Variants in ADGRL2 observed in about 807,000 individuals in gnomAD.
The protein encoded by ADGRL2 is calcium-independent alpha-latrotoxin receptor 2.
Under a neutral mutation model 157.4 loss-of-function variants are expected in ADGRL2, and 44 were observed. The ratio of observed to expected loss-of-function variants is 0.28; its 90% CI spans 0.22 to 0.36. The LOEUF is 0.36. Among genes scored for constraint, ADGRL2 ranks in the 10% least tolerant of loss-of-function variants. ADGRL2 has a pLI of 1.00. For missense variants in ADGRL2, 1,510 were observed against 1,768.9 expected (o/e 0.85, Z 2.63); for synonymous variants, 585 against 624.7 (o/e 0.94, Z 0.95).
At chr1:81,649,218 A>G (rs765394886) in intron 3 of ADGRL2, among the ~76,000 whole-genome samples, 2 of 152,072 alleles carry the variant, frequency 1.3e-5, no homozygotes, top group Non-Finnish European at 2.9e-5. Flanking sequence ...TCCGCCTTTC[A>G]CCTAATCCCA....
At chr1:81,340,970 G>A (rs925487812) in intron 1 of ADGRL2, among the ~76,000 whole-genome samples, 5 of 151,178 alleles carry the variant, frequency 3.3e-5, no homozygotes, top group African/African-American at 2.4e-5. Context: ...TTTCCACATC[G>A]TCAATGGGCA....
At chr1:81,897,448 T>C (rs2094412028) in intron 2 of ADGRL2, among the ~76,000 whole-genome samples, 1 of 152,154 alleles carries the variant, frequency 6.6e-6, no homozygotes, top group African/African-American at 2.4e-5. Context: ...AAACATAATA[T>C]TTTATAACTG....
intron 10 of ADGRL2, 73 bp downstream of exon 10, chr1:81,953,098 T>A: frequency 1.6e-6 from 2 of 1,248,684 alleles, no homozygotes; most frequent in Non-Finnish European, 2.3e-6. Flanking sequence ...TCTTGCTGCA[T>A]GATCCAATGT....
intron 3 of ADGRL2, among the ~76,000 whole-genome samples, chr1:81,912,786 C>A (rs1230202482): frequency 6.6e-6 from 1 of 151,930 alleles, no homozygotes; most frequent in Non-Finnish European, 1.5e-5. Flanking sequence ...ATTTTGACAG[C>A]TCAAATAAAA....
Position 81,704,395 on chromosome 1 carries a change from G to A in ADGRL2, c.-143+4587G>A, listed in dbSNP as rs552222721. Among the ~76,000 whole-genome samples the A allele has an allele frequency of 2.6e-5, 4 of 152,330 alleles. No individual in the cohort carries two copies. The South Asian group carries it at 6.2e-4, about 24-fold the overall frequency. ...CTAAGTGGCTGCCAGTGGACACAGG[G>A]CATCCCCTGGGAGCGGCGGGCCTGG... is the stretch of plus-strand genomic sequence containing the variant. On this transcript the variant is annotated intron_variant, in intron 1 of 20. Transcript: ENST00000359929.
chr1:81,810,524 A>G (rs1322590058), intron 1 of ADGRL2, among the ~76,000 whole-genome samples: 1 of 151,742 alleles, frequency 6.6e-6, no homozygotes, highest in Admixed American at 6.6e-5. Context: ...CTTATGTACC[A>G]TTTTCTCCAC....
At chr1:81,914,289 C>G (rs2094804912) in intron 3 of ADGRL2, among the ~76,000 whole-genome samples, 1 of 152,032 alleles carries the variant, frequency 6.6e-6, no homozygotes, top group African/African-American at 2.4e-5. Context: ...CTATAGGTTA[C>G]AATAAACTGT....
At chr1:81,919,244 A>T (rs551666598) in intron 3 of ADGRL2, among the ~76,000 whole-genome samples, 9 of 152,276 alleles carry the variant, frequency 5.9e-5, no homozygotes, top group Non-Finnish European at 1.2e-4. Flanking sequence ...TTATTTATTT[A>T]GTAAAAGCTT....
intron 1 of ADGRL2, among the ~76,000 whole-genome samples, chr1:81,434,332 C>T (rs1388072531): frequency 6.6e-6 from 1 of 152,140 alleles, no homozygotes; most frequent in East Asian, 1.9e-4. Context: ...TTATTATTTT[C>T]TGGGTACTTA....
chr1:81,608,349 G>A (rs949747163), intron 3 of ADGRL2, among the ~76,000 whole-genome samples: 1 of 152,112 alleles, frequency 6.6e-6, no homozygotes, highest in Non-Finnish European at 1.5e-5. Flanking sequence ...TGAGACTCTC[G>A]CTCCAGAACC....
chr1:81,856,824 G>T (rs944808562), intron 2 of ADGRL2, among the ~76,000 whole-genome samples: 1 of 151,726 alleles, frequency 6.6e-6, no homozygotes, highest in Non-Finnish European at 1.5e-5. Context: ...AAAAATTAGG[G>T]CCTTAATATT....
At chr1:81,985,222 A>T (rs751612584) in intron 20 of ADGRL2, 37 bp from the exon 21 acceptor site, 2 of 1,257,262 alleles carry the variant, frequency 1.6e-6, no homozygotes, top group African/African-American at 1.5e-5. Context: ...TGGGGAAACT[A>T]ACAAAACATA....
At chr1:81,944,609 A>G (rs984591457) in intron 6 of ADGRL2, among the ~76,000 whole-genome samples, 7 of 152,080 alleles carry the variant, frequency 4.6e-5, no homozygotes, top group Non-Finnish European at 1.0e-4. Flanking sequence ...TGCACTGTTT[A>G]TAAGTCTTCT....
intron 4 of ADGRL2, among the ~76,000 whole-genome samples, chr1:81,938,432 G>A (rs2095340781): frequency 6.6e-6 from 1 of 151,690 alleles, no homozygotes; most frequent in Non-Finnish European, 1.5e-5. Flanking sequence ...TATTTCTTGT[G>A]CTGTTTAAGA....
At chr1:81,960,889 A>T (rs1437020833) in intron 11 of ADGRL2, among the ~76,000 whole-genome samples, 1 of 151,790 alleles carries the variant, frequency 6.6e-6, no homozygotes, top group Non-Finnish European at 1.5e-5. Flanking sequence ...AAGGTTTACT[A>T]CTCCTTCCTG....
intron 1 of ADGRL2, among the ~76,000 whole-genome samples, chr1:81,376,494 C>T (rs796934073): frequency 7.2e-5 from 11 of 152,246 alleles, no homozygotes; most frequent in Admixed American, 2.0e-4. Context: ...TGAGTCTCGC[C>T]ATGTCCTTTT....
At chr1:81,424,245 CA>C (rs1404856811) in intron 1 of ADGRL2, among the ~76,000 whole-genome samples, 1 of 152,196 alleles carries the variant, frequency 6.6e-6, no homozygotes, top group Non-Finnish European at 1.5e-5. Flanking sequence ...GTTTTCCCGA[CA>C]GCTGTATCTG....
At chr1:81,339,042 C>T (rs1661862765) in intron 1 of ADGRL2, among the ~76,000 whole-genome samples, 1 of 152,190 alleles carries the variant, frequency 6.6e-6, no homozygotes, top group South Asian at 2.1e-4. Flanking sequence ...GGTTTACTCT[C>T]TCTCTTGAAT....
At chr1:81,963,254 G>A (rs1367256247) in intron 11 of ADGRL2, among the ~76,000 whole-genome samples, 1 of 151,832 alleles carries the variant, frequency 6.6e-6, no homozygotes, top group Non-Finnish European at 1.5e-5. Flanking sequence ...GATTGATGTT[G>A]CTCATAGCAG....
Sources: gnomAD v4.1 joint callset for allele counts (sites outside exome capture counted in the v4.1 genomes callset) on GRCh38, gnomAD v4.1.1 for gene constraint, MANE v1.5 for transcripts, NCBI Gene and HGNC (gene_info 2026-07-23, HGNC 2026-07-21) for gene names.